The following SMYD3 variants were observed in gnomAD, a reference collection of about 807,000 sequenced individuals.
The protein encoded by SMYD3 is histone-lysine N-methyltransferase SMYD3.
A neutral mutation model predicts 57.7 loss-of-function variants in SMYD3; 36 were observed. That is an observed-to-expected ratio of 0.62 (90% CI 0.48 to 0.82). The LOEUF is 0.82. Among genes scored for constraint, SMYD3 ranks in the 40% least tolerant of loss-of-function variants. The pLI is 0.00. For synonymous variants in SMYD3, 211 were observed against 195.0 expected, an observed-to-expected ratio of 1.08 and a Z score of -0.68; for missense variants, 515 against 538.8, an observed-to-expected ratio of 0.96 and a Z score of 0.44.
chr1:246,316,217 A>G (rs902126381), intron 5 of SMYD3, among the ~76,000 whole-genome samples: 1 of 152,178 alleles, frequency 6.6e-6, no homozygotes, highest in East Asian at 1.9e-4. Context: ...AAAATAACAA[A>G]ATATAACACC....
chr1:246,477,674 C>T (rs2068045822), intron 1 of SMYD3, among the ~76,000 whole-genome samples: 1 of 152,146 alleles, frequency 6.6e-6, no homozygotes, highest in Non-Finnish European at 1.5e-5. Context: ...AAAATTAAAG[C>T]TCATGGAATT....
chr1:246,114,776 C>A (rs529672910), intron 5 of SMYD3, among the ~76,000 whole-genome samples: 1 of 152,094 alleles, frequency 6.6e-6, no homozygotes, highest in Non-Finnish European at 1.5e-5. Context: ...GGATTACAGG[C>A]GCCCGCCACC....
intron 5 of SMYD3, among the ~76,000 whole-genome samples, chr1:246,062,224 G>GA (rs1445237299): frequency 6.6e-6 from 1 of 151,982 alleles, no homozygotes; most frequent in Admixed American, 6.6e-5. Flanking sequence ...TGAGTGGGGA[G>GA]AAAAAAATCC....
At chr1:246,048,528 CATA>C (rs1293534353) in intron 5 of SMYD3, among the ~76,000 whole-genome samples, 3 of 152,008 alleles carry the variant, frequency 2.0e-5, no homozygotes, top group African/African-American at 7.2e-5. Flanking sequence ...TTCTACGGAA[CATA>C]ATGCACACAT....
intron 5 of SMYD3, among the ~76,000 whole-genome samples, chr1:246,161,866 GCAGGCTTCAAGC>G (rs2062126387): frequency 6.6e-6 from 1 of 152,126 alleles, no homozygotes; most frequent in Non-Finnish European, 1.5e-5. Context: ...TAAGCCAATA[GCAGGCTTCAAGC>G]CAAAAACTCC....
At chr1:246,284,373 C>G (rs376613100) in intron 5 of SMYD3, among the ~76,000 whole-genome samples, 21 of 152,184 alleles carry the variant, frequency 1.4e-4, no homozygotes, top group East Asian at 1.2e-3. Context: ...TACCATGAAA[C>G]ATGAGCAAAA....
chr1:245,938,555 A>C (rs1384075059), intron 5 of SMYD3, among the ~76,000 whole-genome samples: 2 of 152,234 alleles, frequency 1.3e-5, no homozygotes, highest in Non-Finnish European at 1.5e-5. Flanking sequence ...GAAATATAGA[A>C]AGAAATAAAA....
At chr1:245,797,070 T>C (rs1285944286) in intron 10 of SMYD3, among the ~76,000 whole-genome samples, 1 of 152,174 alleles carries the variant, frequency 6.6e-6, no homozygotes, top group African/African-American at 2.4e-5. Flanking sequence ...TACAAAGTTT[T>C]CAAGAATAGT....
intron 1 of SMYD3, among the ~76,000 whole-genome samples, chr1:246,406,133 C>T (rs1014422953): frequency 2.0e-5 from 3 of 151,678 alleles, no homozygotes; most frequent in Admixed American, 6.6e-5. Context: ...TGCCATGTTG[C>T]CCAGGAGCTT....
At chr1:246,455,575 T>C (rs2067690124) in intron 1 of SMYD3, among the ~76,000 whole-genome samples, 1 of 152,174 alleles carries the variant, frequency 6.6e-6, no homozygotes, top group African/African-American at 2.4e-5. Context: ...AAAAGCCAGA[T>C]ACTATAGAAA....
chr1:246,047,628 T>C (rs991957749), intron 5 of SMYD3, among the ~76,000 whole-genome samples: 1 of 152,224 alleles, frequency 6.6e-6, no homozygotes, highest in Non-Finnish European at 1.5e-5. Flanking sequence ...TTTGAGCCTA[T>C]GAGTTCAAGA....
At chr1:246,285,095 G>A (rs1430797844) in intron 5 of SMYD3, among the ~76,000 whole-genome samples, 1 of 151,794 alleles carries the variant, frequency 6.6e-6, no homozygotes, top group Non-Finnish European at 1.5e-5. Flanking sequence ...CCGAATTTGT[G>A]GTCTTTTATC....
Position 246,355,247 on chromosome 1 carries a change from G to A in SMYD3, c.165-153C>T, listed in dbSNP as rs1216085465. On this transcript the variant is annotated intron_variant, in intron 1 of 11. Coordinates refer to ENST00000490107, the MANE Select transcript of SMYD3 (RefSeq NM_001167740.2). The surrounding 1 kb of genome is among the most constrained non-coding windows in gnomAD (Gnocchi z 5.0). ...TTAAGATTTGGATTTTCACACTGAT[G>A]AGCCTCCTCTTGAACCTTCCATGTG... 5.8e-6 allele frequency: 4 copies of A among 685,176 alleles called. No homozygotes were observed. In the East Asian group the frequency reaches 8.4e-5, roughly 14 times the overall value. The allele number at this position is 685,176 out of a possible 1,614,324, so 42.4% of individuals were successfully genotyped here. A position where few individuals can be genotyped will look rare whatever the true frequency, so the allele number is the denominator to read the frequency against.
At chr1:245,751,383 T>C (rs1272489996) in intron 11 of SMYD3, among the ~76,000 whole-genome samples, 1 of 152,296 alleles carries the variant, frequency 6.6e-6, no homozygotes. Context: ...GGAAAAACGC[T>C]GAAGCTTCGA....
At chr1:246,311,263 T>C (rs746816032) in intron 5 of SMYD3, among the ~76,000 whole-genome samples, 1 of 152,230 alleles carries the variant, frequency 6.6e-6, no homozygotes, top group Non-Finnish European at 1.5e-5. Flanking sequence ...CTTTGCAAGA[T>C]TCTCCTTGCT....
intron 5 of SMYD3, among the ~76,000 whole-genome samples, chr1:246,273,824 C>T (rs2064278373): frequency 6.6e-6 from 1 of 151,508 alleles, no homozygotes; most frequent in African/African-American, 2.4e-5. Context: ...GCCTCGTGGT[C>T]CACCGGCCTC....
At chr1:246,436,176 A>T (rs1046024440) in intron 1 of SMYD3, among the ~76,000 whole-genome samples, 1 of 133,144 alleles carries the variant, frequency 7.5e-6, no homozygotes, top group Non-Finnish European at 1.7e-5. Context: ...ACTATGAACC[A>T]TTCTTTCTTA....
rs138132946 is a variant in SMYD3, at chr1:245,980,614, C to A, written c.532-50677G>T. 3.0e-3 allele frequency among the ~76,000 whole-genome samples: 462 copies of A among 152,340 alleles called. 2 individuals are homozygous for A. Among genetic ancestry groups the A allele is most frequent in the African/African-American group, 0.01 (418 of 41,586 alleles). ...TTAGGGTGATGCTTCCTCACTGAGG[C>A]TTTTTGGGAAACCTATTAAACCAAG... is the stretch of plus-strand genomic sequence containing the variant. On this transcript the variant is annotated intron_variant, in intron 5 of 11. Coordinates refer to ENST00000490107, the MANE Select transcript of SMYD3 (RefSeq NM_001167740.2).
intron 5 of SMYD3, among the ~76,000 whole-genome samples, chr1:245,947,786 A>G (rs990776674): frequency 1.6e-5 from 2 of 121,920 alleles, no homozygotes; most frequent in African/African-American, 5.0e-5. Context: ...ACCACTAAGA[A>G]AAAACACTAC....
Sources: allele counts gnomAD v4.1 joint callset (sites outside exome capture counted in the v4.1 genomes callset), GRCh38; gene constraint gnomAD v4.1.1; non-coding constraint Gnocchi (gnomAD v3.1); transcripts MANE v1.5; gene names NCBI Gene and HGNC (gene_info 2026-07-23, HGNC 2026-07-21).